Variants in DPP9 observed in about 807,000 individuals in gnomAD.
DPP9 encodes the protein dipeptidyl peptidase 9, also known as dipeptidyl peptidase IV-related protein-2.
A neutral mutation model predicts 110.7 loss-of-function variants in DPP9; 50 were observed. The ratio of observed to expected loss-of-function variants is 0.45; its 90% confidence interval spans 0.36 to 0.57. The LOEUF is 0.57. Among genes scored for constraint, DPP9 ranks in the 20% least tolerant of loss-of-function variants. The pLI, the probability that DPP9 is intolerant of heterozygous loss-of-function variation, is 0.00. For missense variants in DPP9, 1,022 were observed against 1,217.9 expected (o/e 0.84, Z 2.39); for synonymous variants, 561 against 514.4 (o/e 1.09, Z -1.23).
At position 4,718,171 on chromosome 19, in the gene DPP9, C is replaced by T. The variant is rs2093162718; in HGVS notation, c.56+1680G>A. ...CTGGGCTCCAGCGATCCTGCCACCT[C>T]GGTCTAGCAAATAGCTGGGATGAGA... On this transcript the variant is annotated intron_variant, in intron 3 of 21. Transcript: ENST00000262960. The surrounding 1 kb of genome is among the most constrained non-coding windows in gnomAD (Gnocchi z 4.3). 3.3e-5 allele frequency among the ~76,000 whole-genome samples: 5 copies of T among 152,230 alleles called. No homozygotes were observed. The South Asian group carries it at 8.3e-4, about 25-fold the overall frequency.
Position 4,700,826 on chromosome 19 carries a change from A to G in DPP9, c.1013-549T>C, listed in dbSNP as rs949411888. Among the ~76,000 whole-genome samples, 28 of 152,248 alleles carry G rather than the reference A, an allele frequency of 1.8e-4. No individual in the cohort carries two copies. Among genetic ancestry groups the G allele is most frequent in the Non-Finnish European group, 5.9e-5 (4 of 68,044 alleles). ...CAGGCTCCGAAAGAGGGCGCGGGCC[A>G]CAGCAGAGCGGAGAATGCTTATTTT... On this transcript the variant is annotated intron_variant, in intron 9 of 21. Coordinates refer to ENST00000262960, the MANE Select transcript of DPP9 (RefSeq NM_139159.5). The surrounding 1 kb of genome is among the most constrained non-coding windows in gnomAD (Gnocchi z 4.3).
Position 4,704,448 on chromosome 19 carries a change from T to C in DPP9, c.427-144A>G, listed in dbSNP as rs1187325402. On this transcript the variant is annotated intron_variant, in intron 5 of 21. Coordinates refer to ENST00000262960, the MANE Select transcript of DPP9 (RefSeq NM_139159.5). The surrounding 1 kb of genome is among the most constrained non-coding windows in gnomAD (Gnocchi z 6.0). ...AGAGAACTTCCTGTACTGGGCAGAA[T>C]TGGCTGCCGGAGCCCTTGACACAGT... The C allele has an allele frequency of 2.9e-6, 3 of 1,047,800 alleles. No individual in the cohort carries two copies. Among genetic ancestry groups the C allele is most frequent in the South Asian group, 3.1e-5 (2 of 63,816 alleles). 64.9% of individuals were successfully genotyped at this position (1,047,800 alleles called of 1,614,324 possible). A position where few individuals can be genotyped will look rare whatever the true frequency, so the allele number is the denominator to read the frequency against.
At chr19:4,701,879 C>T (rs977307953) in intron 9 of DPP9, 148 bp downstream of exon 9, 3 of 1,159,134 alleles carry the variant, frequency 2.6e-6, no homozygotes. Context: ...GCGGCCCCTG[C>T]AGGGCAGAAG....
In DPP9 at chr19:4,689,065, C is replaced by T. The variant is rs1229206795; in HGVS notation, c.1750-173G>A. Among the ~76,000 whole-genome samples the T allele has an allele frequency of 6.6e-6, 1 of 150,954 alleles. No homozygotes were observed. Among genetic ancestry groups the T allele is most frequent in the Non-Finnish European group, 1.5e-5 (1 of 67,886 alleles). ...GCTGCAAGGGGGGCACCACTGCCAT[C>T]GCCCCATTCTGCAGAGCAGGAAACT... On this transcript the variant is annotated intron_variant, in intron 15 of 21. Coordinates refer to ENST00000262960, the MANE Select transcript of DPP9 (RefSeq NM_139159.5). This position sits in a 1 kb window ranked among gnomAD's most constrained non-coding sequence, Gnocchi z 7.0.
intron 4 of DPP9, 109 bp from the exon 5 acceptor site, chr19:4,706,079 G>T: frequency 4.2e-6 from 4 of 963,366 alleles, no homozygotes; most frequent in Non-Finnish European, 4.6e-6. Flanking sequence ...AGAACATTCT[G>T]CCAGGCCGCC....
At chr19:4,714,898 G>A (rs2093003633) in intron 3 of DPP9, among the ~76,000 whole-genome samples, 1 of 151,972 alleles carries the variant, frequency 6.6e-6, no homozygotes, top group Admixed American at 6.6e-5. Context: ...CCTTCACTCA[G>A]CTCCTCAAAC....
In DPP9 at chr19:4,703,873, G is replaced by A; in HGVS notation, c.769+13C>T. The A allele has an allele frequency of 1.3e-6, 2 of 1,593,210 alleles. No homozygotes were observed. The highest frequency in any genetic ancestry group is 1.7e-6 in the Non-Finnish European group (2 of 1,170,566). ...TGGCTATGGTGGCCGTGCACAGGAG[G>A]GGCTGGCCCCACCTTGGTGGCAGAA... On this transcript the variant is annotated intron_variant, in intron 7 of 21. Coordinates refer to ENST00000262960, the MANE Select transcript of DPP9 (RefSeq NM_139159.5).
At chr19:4,699,459 A>G (rs114527900) in intron 10 of DPP9, among the ~76,000 whole-genome samples, 2,480 of 152,112 alleles carry the variant, frequency 0.016, 67 homozygotes, top group African/African-American at 0.057. Context: ...AGAACTGATC[A>G]ATGTGGGGCT....
At position 4,701,233 on chromosome 19, in the gene DPP9, C is replaced by T. The variant is rs8102221; in HGVS notation, c.1012+794G>A. On this transcript the variant is annotated intron_variant, in intron 9 of 21. Coordinates refer to ENST00000262960, the MANE Select transcript of DPP9 (RefSeq NM_139159.5). ...CTGTAATCTCAGCATTTTGGGAGGC[C>T]GAGGCGAGAGGACCACTTGAGGCCA... Among the ~76,000 whole-genome samples, 603 of 152,182 alleles carry T rather than the reference C, an allele frequency of 4.0e-3. 6 individuals carry two copies. The highest frequency in any genetic ancestry group is 0.013 in the African/African-American group (558 of 41,502).
At chr19:4,720,813 C>A (rs572325952) in intron 2 of DPP9, among the ~76,000 whole-genome samples, 2 of 152,320 alleles carry the variant, frequency 1.3e-5, no homozygotes, top group South Asian at 4.1e-4. Context: ...GCATCCATTA[C>A]TTGGGGAGAA....
Position 4,714,114 on chromosome 19 carries a change from A to G in DPP9, c.280T>C (p.Ser94Pro). ...DFQFVQKTDE[S>P]GPHSHRLYYL... ...TAGAGGCGGTGGGAGTGGGGCCCAG[A>G]CTCATCCGTCTTCTGCACAAACTGG... Residue 94 changes from serine to proline, a missense_variant, in exon 4 of 22, where the codon TCT becomes CCT. Ser to Pro is a moderately conservative substitution (Grantham distance 74, BLOSUM62 -1). Coordinates refer to ENST00000262960, the MANE Select transcript of DPP9 (RefSeq NM_139159.5). 1 of 1,613,002 alleles carries G rather than the reference A, an allele frequency of 6.2e-7. No homozygotes were observed. The highest frequency in any genetic ancestry group is 1.3e-5 in the African/African-American group (1 of 74,970).
Position 4,695,675 on chromosome 19 carries a change from G to A in DPP9, c.1176-120C>T, listed in dbSNP as rs1346389165. On this transcript the variant is annotated intron_variant, in intron 11 of 21. Coordinates refer to ENST00000262960, the MANE Select transcript of DPP9 (RefSeq NM_139159.5). The surrounding 1 kb of genome is among the most constrained non-coding windows in gnomAD (Gnocchi z 4.7). ...GAATCAGGGCTGGGCTTCCTGCGCT[G>A]GCTTCACCTGCACTTGGCCAAGTAA... is the stretch of plus-strand genomic sequence containing the variant. 9.7e-6 allele frequency: 8 copies of A among 827,572 alleles called. No homozygotes were observed. The highest frequency in any genetic ancestry group is 2.6e-5 in the South Asian group (1 of 38,892). 51.3% of individuals were successfully genotyped at this position (827,572 alleles called of 1,614,324 possible).
intron 4 of DPP9, among the ~76,000 whole-genome samples, chr19:4,711,539 G>A (rs1394377256): frequency 6.6e-6 from 1 of 152,108 alleles, no homozygotes; most frequent in Admixed American, 6.5e-5. Flanking sequence ...CTGGGAGGCT[G>A]AGGCAGGCGG....
At position 4,684,283 on chromosome 19, in the gene DPP9, T is replaced by C. The variant is rs1599871109; in HGVS notation, c.2178+380A>G. The C allele has an allele frequency of 3.5e-6, 1 of 286,948 alleles. No individual in the cohort carries two copies. The highest frequency in any genetic ancestry group is 6.7e-6 in the Non-Finnish European group (1 of 148,368). 17.8% of individuals were successfully genotyped at this position (286,948 alleles called of 1,614,324 possible). A position where few individuals can be genotyped will look rare whatever the true frequency, so the allele number is the denominator to read the frequency against. On this transcript the variant is annotated intron_variant, in intron 18 of 21. Coordinates refer to ENST00000262960, the MANE Select transcript of DPP9 (RefSeq NM_139159.5). This position sits in a 1 kb window ranked among gnomAD's most constrained non-coding sequence, Gnocchi z 4.8. ...ACCTCGTGGGAACAGAGAGCAGCCC[T>C]CCCCGACACAGCCCTGCCTTGGCCT... is the stretch of plus-strand genomic sequence containing the variant.
rs934353004 is a variant in DPP9, at chr19:4,698,729, G to A, written c.1075-1078C>T. Among the ~76,000 whole-genome samples, 1 of 152,080 alleles carries A rather than the reference G, an allele frequency of 6.6e-6. No individual in the cohort carries two copies. The highest frequency in any genetic ancestry group is 6.6e-5 in the Admixed American group (1 of 15,264). On this transcript the variant is annotated intron_variant, in intron 10 of 21. Coordinates refer to ENST00000262960, the MANE Select transcript of DPP9 (RefSeq NM_139159.5). The surrounding 1 kb of genome is among the most constrained non-coding windows in gnomAD (Gnocchi z 4.2). ...TGCACCAGTGTACTCCAGCCTAGAC[G>A]ACAGTGAGACCCTGTCTCAAAAAAC...
chr19:4,705,522 A>G (rs1256523929), intron 5 of DPP9, among the ~76,000 whole-genome samples: 1 of 152,186 alleles, frequency 6.6e-6, no homozygotes, highest in Non-Finnish European at 1.5e-5. Context: ...TGCAAAAGGC[A>G]TTTTTCCTCC....
rs140843419 is a variant in DPP9, at chr19:4,703,171, A to C, written c.770-455T>G. Among the ~76,000 whole-genome samples the C allele has an allele frequency of 1.4e-3, 211 of 152,178 alleles. 2 individuals are homozygous for C. Among genetic ancestry groups the C allele is most frequent in the African/African-American group, 4.7e-3 (196 of 41,546 alleles). On this transcript the variant is annotated intron_variant, in intron 7 of 21. Coordinates refer to ENST00000262960, the MANE Select transcript of DPP9 (RefSeq NM_139159.5). ...AAGGATGGGGTCACTTCTGATGAGC[A>C]AGGGAGTGGAGAGAACACGCAGGAA...
chr19:4,716,632 G>A (rs923132651), intron 3 of DPP9, among the ~76,000 whole-genome samples: 4 of 150,866 alleles, frequency 2.7e-5, no homozygotes, highest in African/African-American at 7.3e-5. Flanking sequence ...GTGAGACTCT[G>A]TCTCAGAAAA....
In DPP9 at chr19:4,704,435, G is replaced by A. The variant is rs539503511; in HGVS notation, c.427-131C>T. 8.8e-5 allele frequency: 101 copies of A among 1,150,142 alleles called. 1 individual carries two copies. The East Asian group carries it at 2.2e-3, about 25-fold the overall frequency. The allele number at this position is 1,150,142 out of a possible 1,614,324, so 71.2% of individuals were successfully genotyped here. On this transcript the variant is annotated intron_variant, in intron 5 of 21. Coordinates refer to ENST00000262960, the MANE Select transcript of DPP9 (RefSeq NM_139159.5). This position sits in a 1 kb window ranked among gnomAD's most constrained non-coding sequence, Gnocchi z 6.0. ...CGGGCCTCGCCAGAGAGAACTTCCT[G>A]TACTGGGCAGAATTGGCTGCCGGAG...
Sources: allele counts gnomAD v4.1 joint callset (sites outside exome capture counted in the v4.1 genomes callset), GRCh38; gene constraint gnomAD v4.1.1; non-coding constraint Gnocchi (gnomAD v3.1); transcripts MANE v1.5; gene names NCBI Gene and HGNC (gene_info 2026-07-23, HGNC 2026-07-21).